TMC1: variants seen among roughly 807,000 people sequenced by gnomAD.
TMC1 encodes the protein transmembrane channel like 1.
A neutral mutation model predicts 105.8 loss-of-function variants in TMC1; 84 were observed. That is an observed-to-expected ratio of 0.79 (90% CI 0.67 to 0.95). The LOEUF (loss-of-function observed/expected upper bound fraction) is 0.95. Among genes scored for constraint, TMC1 ranks in the 40% least tolerant of loss-of-function variants. TMC1 has a pLI of 0.00. For synonymous variants in TMC1, 315 were observed against 311.5 expected (o/e 1.01, Z -0.12); for missense variants, 817 against 914.1 (o/e 0.89, Z 1.37).
intron 12 of TMC1, among the ~76,000 whole-genome samples, chr9:72,760,801 C>A (rs1827744485): frequency 6.6e-6 from 1 of 152,116 alleles, no homozygotes; most frequent in Non-Finnish European, 1.5e-5. Context: ...ATCAGAAAAT[C>A]TTTGGGGTAA....
chr9:72,539,735 A>G (rs894251909), intron 1 of TMC1, among the ~76,000 whole-genome samples: 35 of 152,200 alleles, frequency 2.3e-4, no homozygotes, highest in Admixed American at 1.4e-3. Context: ...GCCCTGTTCC[A>G]AAGTTGCTTC....
intron 2 of TMC1, among the ~76,000 whole-genome samples, chr9:72,615,482 C>T (rs1206760584): frequency 6.6e-6 from 1 of 152,034 alleles, no homozygotes; most frequent in South Asian, 2.1e-4. Context: ...TCTTAAAAAC[C>T]CAGGTAATAA....
chr9:72,688,336 G>C (rs1826409343), intron 5 of TMC1, among the ~76,000 whole-genome samples: 1 of 152,046 alleles, frequency 6.6e-6, no homozygotes, highest in African/African-American at 2.4e-5. Context: ...TGTGGATATA[G>C]CTTTATTAAC....
chr9:72,665,504 C>T (rs767960313), intron 5 of TMC1, among the ~76,000 whole-genome samples: 6 of 152,190 alleles, frequency 3.9e-5, no homozygotes, highest in Admixed American at 2.0e-4. Context: ...GAAAGTGGTA[C>T]AAAGATATTT....
chr9:72,732,163 G>C (rs1439961025), intron 8 of TMC1, among the ~76,000 whole-genome samples: 1 of 152,160 alleles, frequency 6.6e-6, no homozygotes, highest in Admixed American at 6.6e-5. Flanking sequence ...CCTAGTCTTT[G>C]ATCATTGATG....
intron 18 of TMC1, among the ~76,000 whole-genome samples, chr9:72,807,238 C>T (rs1191832183): frequency 3.3e-5 from 5 of 151,980 alleles, no homozygotes; most frequent in Admixed American, 6.6e-5. Flanking sequence ...GAGAGGGAGA[C>T]CGTGGAAAGA....
At chr9:72,582,995 C>T (rs566463149) in intron 2 of TMC1, among the ~76,000 whole-genome samples, 19 of 152,136 alleles carry the variant, frequency 1.2e-4, no homozygotes, top group African/African-American at 3.4e-4. Context: ...CTGAGGTAGG[C>T]GGATCACTTG....
At chr9:72,757,179 A>G (rs1038598579) in intron 12 of TMC1, among the ~76,000 whole-genome samples, 1 of 152,212 alleles carries the variant, frequency 6.6e-6, no homozygotes, top group Non-Finnish European at 1.5e-5. Flanking sequence ...GCATGCTGGT[A>G]TCAGTCATTA....
chr9:72,526,923 C>T (rs1823415692), intron 1 of TMC1, among the ~76,000 whole-genome samples: 1 of 152,234 alleles, frequency 6.6e-6, no homozygotes, highest in African/African-American at 2.4e-5. Flanking sequence ...AAGCACACAA[C>T]AGGCGCTGCC....
At chr9:72,647,408 A>G (rs1270156971) in intron 4 of TMC1, among the ~76,000 whole-genome samples, 1 of 152,064 alleles carries the variant, frequency 6.6e-6, no homozygotes, top group Non-Finnish European at 1.5e-5. Flanking sequence ...GTTATTTTAT[A>G]TATTTATGGT....
intron 4 of TMC1, among the ~76,000 whole-genome samples, chr9:72,642,814 C>A (rs1407834562): frequency 6.6e-6 from 1 of 152,118 alleles, no homozygotes; most frequent in African/African-American, 2.4e-5. Context: ...TTAACAAACA[C>A]CTACATTAGT....
chr9:72,573,872 CGGATGAT>C (rs1824329794), intron 1 of TMC1, among the ~76,000 whole-genome samples: 2 of 152,050 alleles, frequency 1.3e-5, no homozygotes, highest in African/African-American at 4.8e-5. Context: ...GTTTGTTGTA[CGGATGAT>C]TCATCACCCA....
At chr9:72,772,392 G>T in intron 12 of TMC1, 21 bp from the exon 13 acceptor site, 1 of 1,613,586 alleles carries the variant, frequency 6.2e-7, no homozygotes, top group Non-Finnish European at 8.5e-7. Context: ...ACTGCTAAGT[G>T]GCTTTGTTGT....
chr9:72,637,049 CTT>C (rs113347334), intron 4 of TMC1, among the ~76,000 whole-genome samples: 3 of 142,710 alleles, frequency 2.1e-5, no homozygotes, highest in Admixed American at 7.1e-5. Context: ...TGAGTTTTTC[CTT>C]TTTTTTTTTT....
intron 4 of TMC1, among the ~76,000 whole-genome samples, chr9:72,641,810 CTTTTT>C (rs896125209): frequency 1.1e-5 from 1 of 86,996 alleles, no homozygotes; most frequent in African/African-American, 4.7e-5. Context: ...AGTCCCAAAT[CTTTTT>C]TTTTTTTTTT....
intron 7 of TMC1, among the ~76,000 whole-genome samples, chr9:72,700,275 GA>G (rs11378545): frequency 6.6e-6 from 1 of 150,492 alleles, no homozygotes; most frequent in Non-Finnish European, 1.5e-5. Context: ...GAAAAGAAAA[GA>G]AAAAAACAGA....
intron 5 of TMC1, among the ~76,000 whole-genome samples, chr9:72,660,033 C>T (rs1825950149): frequency 6.6e-6 from 1 of 152,036 alleles, no homozygotes; most frequent in African/African-American, 2.4e-5. Flanking sequence ...TCCTGCCTGT[C>T]CTTCTCCTTG....
intron 2 of TMC1, among the ~76,000 whole-genome samples, chr9:72,615,425 A>G (rs1244152272): frequency 6.6e-6 from 1 of 152,160 alleles, no homozygotes; most frequent in Non-Finnish European, 1.5e-5. Context: ...TGTACTTTTG[A>G]TGATAAATGT....
At chr9:72,775,920 T>C (rs1271096043) in intron 13 of TMC1, among the ~76,000 whole-genome samples, 1 of 152,126 alleles carries the variant, frequency 6.6e-6, no homozygotes, top group Non-Finnish European at 1.5e-5. Context: ...TGGGAGCTAA[T>C]AGAATAAGAA....
Sources: gnomAD v4.1 joint callset for allele counts (sites outside exome capture counted in the v4.1 genomes callset) on GRCh38, gnomAD v4.1.1 for gene constraint, MANE v1.5 for transcripts, NCBI Gene and HGNC (gene_info 2026-07-23, HGNC 2026-07-21) for gene names.